The following RTN1 variants were observed in gnomAD, a reference collection of about 807,000 sequenced individuals.
RTN1 encodes reticulon-1.
Under a neutral mutation model 65.5 loss-of-function variants are expected in RTN1, and 25 were observed. The ratio of observed to expected loss-of-function variants is 0.38; its 90% confidence interval spans 0.28 to 0.53. The LOEUF (loss-of-function observed/expected upper bound fraction) is 0.53. Ranked by LOEUF, RTN1 falls within the 20% of genes least tolerant of loss-of-function variation. The pLI, the probability that RTN1 is intolerant of heterozygous loss-of-function variation, is 0.79. For missense variants in RTN1, 983 were observed against 1,025.4 expected, an observed-to-expected ratio of 0.96 and a Z score of 0.57; for synonymous variants, 471 against 447.6, an observed-to-expected ratio of 1.05 and a Z score of -0.66.
intron 1 of RTN1, among the ~76,000 whole-genome samples, chr14:59,775,864 TAAA>T (rs1886040802): frequency 6.6e-6 from 1 of 152,024 alleles, no homozygotes; most frequent in Non-Finnish European, 1.5e-5. Flanking sequence ...ATAACTGAAA[TAAA>T]GAAGAGAAGC....
At chr14:59,609,044 G>T (rs1467361818) in intron 3 of RTN1, among the ~76,000 whole-genome samples, 1 of 152,130 alleles carries the variant, frequency 6.6e-6, no homozygotes, top group Non-Finnish European at 1.5e-5. Flanking sequence ...CAGCACTTTG[G>T]GAGGCCGAGG....
chr14:59,841,710 A>G (rs562153902), intron 1 of RTN1, among the ~76,000 whole-genome samples: 1 of 143,980 alleles, frequency 6.9e-6, no homozygotes, highest in Non-Finnish European at 1.5e-5. Flanking sequence ...CCATTAAAAA[A>G]AAAAACAAAA....
intron 3 of RTN1, among the ~76,000 whole-genome samples, chr14:59,703,859 A>C (rs1054799779): frequency 3.3e-5 from 5 of 152,234 alleles, no homozygotes; most frequent in Admixed American, 2.0e-4. Context: ...CATTATTTAA[A>C]ATGGCACACT....
intron 1 of RTN1, among the ~76,000 whole-genome samples, chr14:59,768,054 T>C (rs1025685940): frequency 2.0e-5 from 3 of 152,206 alleles, no homozygotes; most frequent in Non-Finnish European, 4.4e-5. Context: ...ATCAAGTTTG[T>C]TATATTGTTA....
intron 1 of RTN1, among the ~76,000 whole-genome samples, chr14:59,842,660 GATTGGGGTGGTATGA>G: frequency 6.6e-6 from 1 of 152,250 alleles, no homozygotes; most frequent in East Asian, 1.9e-4. Flanking sequence ...CCTAAAAATG[GATTGGGGTGGTATGA>G]ATAGTTATGT....
intron 1 of RTN1, among the ~76,000 whole-genome samples, chr14:59,785,187 T>C (rs1331836098): frequency 1.3e-5 from 2 of 152,214 alleles, no homozygotes; most frequent in African/African-American, 2.4e-5. Flanking sequence ...CTACTCCTAA[T>C]GCTGCAGGTA....
chr14:59,791,056 C>T (rs1886338961), intron 1 of RTN1, among the ~76,000 whole-genome samples: 1 of 151,990 alleles, frequency 6.6e-6, no homozygotes, highest in Admixed American at 6.6e-5. Flanking sequence ...TCTTTATTTT[C>T]CTTTTCTCAT....
In RTN1 at chr14:59,846,561, A is replaced by G. The variant is rs1887414661; in HGVS notation, c.241+23829T>C. Among the ~76,000 whole-genome samples, 1 of 152,152 alleles carries G rather than the reference A, an allele frequency of 6.6e-6. No homozygotes were observed. The highest frequency in any genetic ancestry group is 6.5e-5 in the Admixed American group (1 of 15,272). ...TGGTTACCAAGTAAGCATAATGGAA[A>G]AAGAAGAGTAAGTGTGTATCCCAAG... On this transcript the variant is annotated intron_variant, in intron 1 of 8. Transcript: ENST00000267484. This position sits in a 1 kb window ranked among gnomAD's most constrained non-coding sequence, Gnocchi z 4.8.
intron 1 of RTN1, among the ~76,000 whole-genome samples, chr14:59,860,914 C>T (rs558399506): frequency 1.3e-5 from 2 of 152,326 alleles, no homozygotes; most frequent in East Asian, 3.9e-4. Flanking sequence ...TACCCAATGC[C>T]TGTACCCCCA....
intron 3 of RTN1, among the ~76,000 whole-genome samples, chr14:59,701,734 T>C (rs533893736): frequency 1.3e-5 from 2 of 152,126 alleles, no homozygotes; most frequent in African/African-American, 4.8e-5. Context: ...CTTTTTGGGG[T>C]GATGAAATTT....
rs528441984 is a variant in RTN1 at position 59,625,246 on chromosome 14, T to G, written c.1766-17754A>C. On this transcript the variant is annotated intron_variant, in intron 3 of 8. Transcript: ENST00000267484. ...TTATCGTTTTTTAATGAAACAAGTA[T>G]TCACAGAAATCTGAGAACAATAATA... Among the ~76,000 whole-genome samples, 14 of 152,350 alleles carry G rather than the reference T, an allele frequency of 9.2e-5. No homozygotes were observed. In the East Asian group the frequency reaches 2.5e-3, roughly 27 times the overall value.
At chr14:59,752,144 A>G (rs1449566450) in intron 1 of RTN1, among the ~76,000 whole-genome samples, 1 of 152,158 alleles carries the variant, frequency 6.6e-6, no homozygotes, top group African/African-American at 2.4e-5. Context: ...AAATGTCACC[A>G]TCTCCATGAT....
chr14:59,656,359 T>C (rs188434297), intron 3 of RTN1, among the ~76,000 whole-genome samples: 304 of 152,324 alleles, frequency 2.0e-3, no homozygotes, highest in Middle Eastern at 3.4e-3. Flanking sequence ...GGTATATAAA[T>C]TGTATGTTAA....
intron 3 of RTN1, among the ~76,000 whole-genome samples, chr14:59,721,303 A>C (rs1428383081): frequency 6.6e-6 from 1 of 152,232 alleles, no homozygotes; most frequent in Non-Finnish European, 1.5e-5. Flanking sequence ...AGCAGGCTGC[A>C]GAGGCCTGCC....
chr14:59,616,987 C>T (rs183628617), intron 3 of RTN1, among the ~76,000 whole-genome samples: 2 of 152,170 alleles, frequency 1.3e-5, no homozygotes, highest in Non-Finnish European at 2.9e-5. Flanking sequence ...TTCCTCTCTA[C>T]CTAATTTCTC....
In RTN1 at chr14:59,753,350, A is replaced by C. The variant is rs1345486764; in HGVS notation, c.242-6869T>G. 3.9e-5 allele frequency among the ~76,000 whole-genome samples: 6 copies of C among 152,332 alleles called. No homozygotes were observed. The East Asian group carries it at 1.2e-3, about 29-fold the overall frequency. ...TTTACCACACTCTAAAAATACTGCCAGCTAGAGGAAGAGAAGAGGAACAAA... is the reference window on the plus strand; with the variant it reads ...TTTACCACACTCTAAAAATACTGCCCGCTAGAGGAAGAGAAGAGGAACAAA... On this transcript the variant is annotated intron_variant, in intron 1 of 8. Coordinates refer to ENST00000267484, the MANE Select transcript of RTN1 (RefSeq NM_021136.3).
chr14:59,698,957 A>G (rs2139445963), intron 3 of RTN1, among the ~76,000 whole-genome samples: 1 of 152,292 alleles, frequency 6.6e-6, no homozygotes, highest in African/African-American at 2.4e-5. Context: ...TTGCTGAGTC[A>G]TATTTTGATT....
intron 3 of RTN1, among the ~76,000 whole-genome samples, chr14:59,673,419 T>C (rs540879843): frequency 1.2e-4 from 18 of 152,302 alleles, no homozygotes; most frequent in African/African-American, 3.6e-4. Context: ...GCTTTGTGAG[T>C]TCCAGGTCCT....
In RTN1 at chr14:59,870,428, G is replaced by A. The variant is rs773623572; in HGVS notation, c.203C>T (p.Ala68Val). 48 of 1,521,546 alleles carry A rather than the reference G, an allele frequency of 3.2e-5. No individual in the cohort carries two copies. Among genetic ancestry groups the A allele is most frequent in the Non-Finnish European group, 4.1e-5 (47 of 1,146,636 alleles). 94.3% of individuals were successfully genotyped at this position (1,521,546 alleles called of 1,614,324 possible). ...TTCCATGGCAACGGGCGACTGCCGG[G>A]CGGGGCCCGAGCCGGCTTCCCGCGA... ...AASREAGSGPARQSPVAMETA... is the reference protein window; with the variant it reads ...AASREAGSGPVRQSPVAMETA... Residue 68 changes from alanine (A) to valine (V), a missense_variant, in exon 1 of 9, where the codon GCC becomes GTC. Ala to Val is a moderately conservative substitution (Grantham distance 64, BLOSUM62 0). This residue lies in a region of RTN1 where 818 missense variants were observed against 801.8 expected (regional missense o/e 1.02). Coordinates refer to ENST00000267484, the MANE Select transcript of RTN1 (RefSeq NM_021136.3). The surrounding 1 kb of genome is among the most constrained non-coding windows in gnomAD (Gnocchi z 5.1).
Sources: gnomAD v4.1 joint callset for allele counts (sites outside exome capture counted in the v4.1 genomes callset) on GRCh38, gnomAD v4.1.1 for gene constraint, gnomAD v4.1.1 regional missense constraint, Gnocchi (gnomAD v3.1) non-coding constraint, MANE v1.5 for transcripts, NCBI Gene and HGNC (gene_info 2026-07-23, HGNC 2026-07-21) for gene names.